The following FGGY variants were observed in gnomAD, a reference collection of about 807,000 sequenced individuals.
The protein encoded by FGGY is FGGY carbohydrate kinase domain containing, also known as FGGY carbohydrate kinase domain-containing protein.
FGGY carries 72 observed loss-of-function variants against 71.3 expected under a neutral mutation model. The observed-to-expected ratio is 1.01, with a 90% CI of 0.84 to 1.23. FGGY has a LOEUF of 1.23. FGGY is among the 50% of genes most tolerant of loss of function. FGGY has a pLI of 0.00. For missense variants in FGGY, 668 were observed against 682.3 expected, an observed-to-expected ratio of 0.98 and a Z score of 0.23; for synonymous variants, 251 against 250.3, an observed-to-expected ratio of 1.00 and a Z score of -0.02.
intron 4 of FGGY, among the ~76,000 whole-genome samples, chr1:59,376,691 T>C (rs1042885907): frequency 6.6e-6 from 1 of 152,210 alleles, no homozygotes; most frequent in Non-Finnish European, 1.5e-5. Flanking sequence ...TGTGTTACCC[T>C]GCGGCAGGTA....
intron 2 of FGGY, among the ~76,000 whole-genome samples, chr1:59,334,589 A>G (rs2049112451): frequency 6.6e-6 from 1 of 152,192 alleles, no homozygotes; most frequent in Non-Finnish European, 1.5e-5. Context: ...GAAAAAAATT[A>G]CTGCTTTTCT....
intron 14 of FGGY, chr1:59,680,662 TC>T (rs2097488841): frequency 1.3e-5 from 2 of 152,214 alleles, no homozygotes; most frequent in Non-Finnish European, 2.9e-5. Context: ...ATCATTTGAC[TC>T]TCTTGTTCCT....
Position 59,745,627 on chromosome 1 carries a change from T to C in FGGY, c.1513-12304T>C, listed in dbSNP as rs531231450. On this transcript the variant is annotated intron_variant, in intron 14 of 15. Coordinates refer to ENST00000303721, the MANE Select transcript of FGGY (RefSeq NM_018291.5). Reference sequence around the variant, plus strand: ...CCTGCTCCTTCCGAAGCAGATTTTGTCCCTTGTAGCCATAAGTGAAGCATA... The same window carrying C: ...CCTGCTCCTTCCGAAGCAGATTTTGCCCCTTGTAGCCATAAGTGAAGCATA... Among the ~76,000 whole-genome samples, 4 of 152,304 alleles carry C rather than the reference T, an allele frequency of 2.6e-5. No individual in the cohort carries two copies. In the South Asian group the frequency reaches 6.2e-4, roughly 24 times the overall value.
Position 59,335,209 on chromosome 1 carries a change from T to A in FGGY, c.202-4749T>A, listed in dbSNP as rs2049239826. On this transcript the variant is annotated intron_variant, in intron 2 of 15. Coordinates refer to ENST00000303721, the MANE Select transcript of FGGY (RefSeq NM_018291.5). ...ACACTTATTACTCCAAAAGTTTCCT[T>A]ACACCTGTTTGCAGTCAACCCCAAG... 2.0e-5 allele frequency among the ~76,000 whole-genome samples: 3 copies of A among 152,344 alleles called. No homozygotes were observed. The South Asian group carries it at 6.2e-4, about 32-fold the overall frequency.
chr1:59,703,824 A>G (rs2097730226), intron 14 of FGGY, among the ~76,000 whole-genome samples: 1 of 152,220 alleles, frequency 6.6e-6, no homozygotes, highest in African/African-American at 2.4e-5. Flanking sequence ...TGGGTGAGCT[A>G]AGGCTAAAGG....
At chr1:59,468,750 T>C (rs1451603047) in intron 6 of FGGY, among the ~76,000 whole-genome samples, 1 of 151,716 alleles carries the variant, frequency 6.6e-6, no homozygotes. Flanking sequence ...CGGGCGCCTG[T>C]AGTCCCAGCT....
intron 5 of FGGY, among the ~76,000 whole-genome samples, chr1:59,444,871 T>A (rs2070862871): frequency 6.6e-6 from 1 of 152,194 alleles, no homozygotes; most frequent in African/African-American, 2.4e-5. Context: ...TGGGGACCGC[T>A]GGTATAAAAC....
At chr1:59,370,881 G>A (rs185874479) in intron 4 of FGGY, among the ~76,000 whole-genome samples, 12 of 151,858 alleles carry the variant, frequency 7.9e-5, no homozygotes, top group Non-Finnish European at 1.3e-4. Flanking sequence ...CCACCAGGTC[G>A]GACCTAAAAT....
chr1:59,695,800 A>T (rs1260203657), intron 14 of FGGY, among the ~76,000 whole-genome samples: 1 of 152,170 alleles, frequency 6.6e-6, no homozygotes, highest in Admixed American at 6.5e-5. Flanking sequence ...GAGTAAGCAG[A>T]ATGTCATGAG....
At chr1:59,499,413 A>G (rs1047499015) in intron 6 of FGGY, among the ~76,000 whole-genome samples, 2 of 150,184 alleles carry the variant, frequency 1.3e-5, no homozygotes, top group Non-Finnish European at 1.5e-5. Flanking sequence ...CCCAGGTGGG[A>G]CCAAGCTAGA....
intron 8 of FGGY, among the ~76,000 whole-genome samples, chr1:59,603,046 A>G (rs1435767903): frequency 6.6e-6 from 1 of 152,208 alleles, no homozygotes; most frequent in Non-Finnish European, 1.5e-5. Flanking sequence ...AATGATATTT[A>G]TATCAGACAC....
rs566527134 is a variant in FGGY at position 59,655,223 on chromosome 1, A to G, written c.1222-4996A>G. Among the ~76,000 whole-genome samples, 5 of 152,334 alleles carry G rather than the reference A, an allele frequency of 3.3e-5. No individual in the cohort carries two copies. In the East Asian group the frequency reaches 9.6e-4, roughly 29 times the overall value. On this transcript the variant is annotated intron_variant, in intron 11 of 15. Transcript: ENST00000303721. ...ATGCAATTCGAGAGAAAGAGAATGA[A>G]CACTTATTAAGAGAAACGGAAAGAA...
chr1:59,439,337 C>G (rs911749346), intron 5 of FGGY, among the ~76,000 whole-genome samples: 1 of 152,114 alleles, frequency 6.6e-6, no homozygotes, highest in Non-Finnish European at 1.5e-5. Flanking sequence ...ATTTGAAATT[C>G]CCAGAAACAT....
intron 10 of FGGY, among the ~76,000 whole-genome samples, chr1:59,633,665 A>G (rs1390133484): frequency 6.6e-6 from 1 of 152,228 alleles, no homozygotes; most frequent in Non-Finnish European, 1.5e-5. Context: ...GGACATTCTT[A>G]GTTGAGTTGT....
chr1:59,539,134 A>G (rs1184368729), intron 7 of FGGY, among the ~76,000 whole-genome samples: 2 of 152,182 alleles, frequency 1.3e-5, no homozygotes, highest in African/African-American at 2.4e-5. Context: ...AGTCATAAAT[A>G]AATCGAGGGA....
rs78621375 is a variant in FGGY, at chr1:59,513,986, G to C, written c.799+1547G>C. 9.7e-3 allele frequency among the ~76,000 whole-genome samples: 1,474 copies of C among 152,336 alleles called. 22 individuals are homozygous for C. The highest frequency in any genetic ancestry group is 0.034 in the African/African-American group (1,407 of 41,568). Reference sequence around the variant, plus strand: ...AGTAAACAACTCATAATATATGTAGGTTGGTTGAATGCTATGTAACGTAGT... The same window carrying C: ...AGTAAACAACTCATAATATATGTAGCTTGGTTGAATGCTATGTAACGTAGT... On this transcript the variant is annotated intron_variant, in intron 7 of 15. Transcript: ENST00000303721.
chr1:59,359,419 A>G (rs1570951332), intron 4 of FGGY, among the ~76,000 whole-genome samples: 2 of 152,330 alleles, frequency 1.3e-5, no homozygotes, highest in East Asian at 3.9e-4. Flanking sequence ...TCCCACCACT[A>G]TGCAAACTCT....
intron 10 of FGGY, among the ~76,000 whole-genome samples, chr1:59,627,445 C>T (rs1181419922): frequency 1.0e-5 from 1 of 99,560 alleles, no homozygotes; most frequent in Non-Finnish European, 1.9e-5. Flanking sequence ...TCAATATCAA[C>T]TTATGATTTT....
chr1:59,355,484 T>G (rs2054139249), intron 4 of FGGY, among the ~76,000 whole-genome samples: 1 of 152,242 alleles, frequency 6.6e-6, no homozygotes, highest in African/African-American at 2.4e-5. Context: ...TTAGTAATTT[T>G]CCATTCAAAG....
Sources: allele counts gnomAD v4.1 joint callset (sites outside exome capture counted in the v4.1 genomes callset), GRCh38; gene constraint gnomAD v4.1.1; transcripts MANE v1.5; gene names NCBI Gene and HGNC (gene_info 2026-07-23, HGNC 2026-07-21).